TTC28: variants seen among roughly 807,000 people sequenced by gnomAD.
TTC28 encodes the protein tetratricopeptide repeat domain 28.
In TTC28, 61 loss-of-function variants were observed where a neutral mutation model predicts 198.0. The ratio of observed to expected loss-of-function variants is 0.31; its 90% confidence interval spans 0.25 to 0.38. The LOEUF (loss-of-function observed/expected upper bound fraction) is 0.38. Ranked by LOEUF, TTC28 falls within the 10% of genes least tolerant of loss-of-function variation. The probability of loss-of-function intolerance (pLI) is 1.00; values close to 1 mark genes in which losing one functional copy is unlikely to be tolerated. For missense variants in TTC28, 2,678 were observed against 3,164.0 expected (o/e 0.85, Z 3.69); for synonymous variants, 1,171 against 1,297.8 (o/e 0.90, Z 2.10).
At chr22:28,500,592 G>T (rs1240423729) in intron 2 of TTC28, among the ~76,000 whole-genome samples, 1 of 152,096 alleles carries the variant, frequency 6.6e-6, no homozygotes, top group Non-Finnish European at 1.5e-5. Context: ...TTAACATTCA[G>T]ATTAGTTTAA....
At chr22:28,548,635 G>A (rs1021304229) in intron 2 of TTC28, among the ~76,000 whole-genome samples, 2 of 152,180 alleles carry the variant, frequency 1.3e-5, no homozygotes, top group Non-Finnish European at 2.9e-5. Flanking sequence ...CCTGGCAGAT[G>A]GATATGGCTG....
intron 12 of TTC28, among the ~76,000 whole-genome samples, chr22:28,063,573 A>C (rs1940633998): frequency 6.6e-6 from 1 of 152,140 alleles, no homozygotes; most frequent in Non-Finnish European, 1.5e-5. Context: ...TATTTATGGG[A>C]AGGTTATCCT....
chr22:28,598,922 G>C (rs1269362084), intron 2 of TTC28, among the ~76,000 whole-genome samples: 1 of 152,196 alleles, frequency 6.6e-6, no homozygotes, highest in Non-Finnish European at 1.5e-5. Flanking sequence ...GAGAATTAGT[G>C]ATGTGGTAGA....
chr22:28,010,863 A>G (rs1346893415), intron 14 of TTC28, among the ~76,000 whole-genome samples: 1 of 152,160 alleles, frequency 6.6e-6, no homozygotes, highest in African/African-American at 2.4e-5. Context: ...CTAGACCCAA[A>G]ATGCAATGCT....
At chr22:28,024,917 C>A (rs1938763865) in intron 13 of TTC28, among the ~76,000 whole-genome samples, 1 of 152,158 alleles carries the variant, frequency 6.6e-6, no homozygotes, top group Admixed American at 6.5e-5. Context: ...CACAGATGAC[C>A]TGGAGGTCAG....
intron 2 of TTC28, among the ~76,000 whole-genome samples, chr22:28,606,785 T>C (rs1474218110): frequency 6.6e-6 from 1 of 152,148 alleles, no homozygotes; most frequent in Non-Finnish European, 1.5e-5. Flanking sequence ...ATGGACTATA[T>C]AATAACAACA....
intron 2 of TTC28, among the ~76,000 whole-genome samples, chr22:28,481,407 A>G (rs1028726115): frequency 2.6e-5 from 4 of 152,238 alleles, no homozygotes; most frequent in Non-Finnish European, 5.9e-5. Context: ...AATATGAGTA[A>G]AACTCAAAAG....
chr22:28,462,514 G>A (rs1407194306), intron 2 of TTC28, among the ~76,000 whole-genome samples: 2 of 152,142 alleles, frequency 1.3e-5, no homozygotes, highest in Admixed American at 1.3e-4. Flanking sequence ...AGAATAATGT[G>A]AGCAAATAAC....
intron 2 of TTC28, among the ~76,000 whole-genome samples, chr22:28,578,596 T>C (rs1306536829): frequency 6.6e-6 from 1 of 152,032 alleles, no homozygotes; most frequent in Non-Finnish European, 1.5e-5. Flanking sequence ...AAAAATCAGA[T>C]GGGCAGTCCA....
chr22:28,326,271 A>G (rs1005036389), intron 2 of TTC28, among the ~76,000 whole-genome samples: 3 of 152,158 alleles, frequency 2.0e-5, no homozygotes, highest in South Asian at 2.1e-4. Flanking sequence ...GAAAAAGGCA[A>G]AAGTATAGCA....
intron 6 of TTC28, among the ~76,000 whole-genome samples, chr22:28,144,649 G>A (rs1943420977): frequency 6.6e-6 from 1 of 152,186 alleles, no homozygotes; most frequent in Non-Finnish European, 1.5e-5. Context: ...CATTTACTGA[G>A]GGCTTGCTAT....
chr22:28,391,945 G>T (rs1569301037), intron 2 of TTC28, among the ~76,000 whole-genome samples: 1 of 152,208 alleles, frequency 6.6e-6, no homozygotes, highest in Non-Finnish European at 1.5e-5. Context: ...CAGTTTTTCT[G>T]CTCTGTTTTT....
intron 2 of TTC28, among the ~76,000 whole-genome samples, chr22:28,346,584 T>C (rs1213675509): frequency 6.6e-6 from 1 of 152,180 alleles, no homozygotes; most frequent in Non-Finnish European, 1.5e-5. Context: ...TGACTGATAA[T>C]AGCTCTTGCC....
At chr22:28,348,263 G>A (rs988797035) in intron 2 of TTC28, among the ~76,000 whole-genome samples, 1 of 152,180 alleles carries the variant, frequency 6.6e-6, no homozygotes, top group Non-Finnish European at 1.5e-5. Context: ...CATTGCCCAC[G>A]TGCATGGAGG....
intron 2 of TTC28, among the ~76,000 whole-genome samples, chr22:28,436,126 G>A (rs185206735): frequency 9.2e-5 from 14 of 152,204 alleles, no homozygotes; most frequent in South Asian, 2.1e-4. Context: ...AGTCACCCTC[G>A]TTACTAATGA....
intron 6 of TTC28, among the ~76,000 whole-genome samples, chr22:28,125,946 C>T (rs991303234): frequency 6.6e-5 from 10 of 152,106 alleles, no homozygotes; most frequent in African/African-American, 2.4e-4. Context: ...TTAGAAACTG[C>T]ACATACCCAT....
At chr22:28,653,530 T>A (rs1182362195) in intron 1 of TTC28, among the ~76,000 whole-genome samples, 1 of 151,148 alleles carries the variant, frequency 6.6e-6, no homozygotes, top group African/African-American at 2.4e-5. Flanking sequence ...AACCCTACCA[T>A]AAATCCTCTC....
chr22:28,457,370 T>C (rs1196956351), intron 2 of TTC28, among the ~76,000 whole-genome samples: 2 of 152,194 alleles, frequency 1.3e-5, no homozygotes, highest in African/African-American at 4.8e-5. Flanking sequence ...GCAAAGGTTG[T>C]TTCATATAAT....
rs534155173 is a variant in TTC28 at position 28,393,635 on chromosome 22, A to T, written c.382-86992T>A. The stretch of plus-strand genomic sequence containing the variant: ...TTTGAGCCCAGGAGGTAAAGGCTGC[A>T]GTGGGCTGAAATCATACCACTACAC... On this transcript the variant is annotated intron_variant, in intron 2 of 22. Transcript: ENST00000397906. 2.0e-5 allele frequency among the ~76,000 whole-genome samples: 3 copies of T among 152,328 alleles called. No homozygotes were observed. The South Asian group carries it at 6.2e-4, about 32-fold the overall frequency.
Sources: gnomAD v4.1 joint callset for allele counts (sites outside exome capture counted in the v4.1 genomes callset) on GRCh38, gnomAD v4.1.1 for gene constraint, MANE v1.5 for transcripts, NCBI Gene and HGNC (gene_info 2026-07-23, HGNC 2026-07-21) for gene names.